ITPR2: variants seen among roughly 807,000 people sequenced by gnomAD.
ITPR2 encodes the protein inositol 1,4,5-trisphosphate-gated calcium channel ITPR2.
Under a neutral mutation model 317.1 loss-of-function variants are expected in ITPR2, and 207 were observed. The ratio of observed to expected loss-of-function variants is 0.65; its 90% CI spans 0.58 to 0.73. The LOEUF (loss-of-function observed/expected upper bound fraction) is 0.73, where lower values mean the gene tolerates loss of function less well. Ranked by LOEUF, ITPR2 falls within the 30% of genes least tolerant of loss-of-function variation. ITPR2 has a pLI of 0.00. For missense variants in ITPR2, 2,613 were observed against 3,284.0 expected (o/e 0.80, Z 4.99); for synonymous variants, 1,156 against 1,149.1 (o/e 1.01, Z -0.12).
At chr12:26,515,946 CA>C (rs34382778) in intron 37 of ITPR2, among the ~76,000 whole-genome samples, 11 of 141,080 alleles carry the variant, frequency 7.8e-5, no homozygotes, top group Admixed American at 7.2e-5. Context: ...TCCATCTCTA[CA>C]AAAAAAAAAG....
chr12:26,567,534 T>G (rs1945010036), intron 34 of ITPR2, among the ~76,000 whole-genome samples: 1 of 152,148 alleles, frequency 6.6e-6, no homozygotes, highest in African/African-American at 2.4e-5. Context: ...GTAGGTAAAC[T>G]TTGAACAGAG....
chr12:26,636,489 T>C (rs1946869849), intron 21 of ITPR2, among the ~76,000 whole-genome samples: 1 of 152,210 alleles, frequency 6.6e-6, no homozygotes, highest in Non-Finnish European at 1.5e-5. Flanking sequence ...TAACAAAGAT[T>C]GGATAACAAA....
intron 34 of ITPR2, among the ~76,000 whole-genome samples, chr12:26,573,545 G>C (rs944983233): frequency 6.6e-6 from 1 of 152,150 alleles, no homozygotes; most frequent in African/African-American, 2.4e-5. Flanking sequence ...AAATGAAATG[G>C]TCTAAGATGA....
chr12:26,512,953 C>G (rs1943393342), intron 37 of ITPR2, among the ~76,000 whole-genome samples: 1 of 151,106 alleles, frequency 6.6e-6, no homozygotes, highest in East Asian at 1.9e-4. Flanking sequence ...TCCCAAGTAG[C>G]TGGGATTACA....
Position 26,722,443 on chromosome 12 carries a change from C to A in ITPR2, c.479G>T (p.Trp160Leu). Residue 160 changes from tryptophan (W) to leucine (L), a missense_variant, in exon 5 of 57, where the codon TGG (tryptophan) becomes TTG (leucine). By Grantham distance (61) the Trp-to-Leu change is moderately conservative (BLOSUM62 -2). This residue lies in a region of ITPR2 where 515 missense variants were observed against 789.4 expected (regional missense o/e 0.65). Transcript: ENST00000381340. ...TTTCCAGAACGGATGAATATAAAAC[C>A]AAGACCCTTCATTTCCTGCAGCATC... ...SLDAAGNEGS[W>L]FYIHPFWKLR... is the part of the protein sequence containing the mutation. 1 of 1,613,100 alleles carries A rather than the reference C, an allele frequency of 6.2e-7. No homozygotes were observed. The highest frequency in any genetic ancestry group is 8.5e-7 in the Non-Finnish European group (1 of 1,179,436).
intron 26 of ITPR2, among the ~76,000 whole-genome samples, chr12:26,608,682 C>T (rs567070802): frequency 6.6e-6 from 1 of 152,134 alleles, no homozygotes; most frequent in Admixed American, 6.5e-5. Flanking sequence ...CCCCTCTGCC[C>T]GGCTGCTGTG....
intron 21 of ITPR2, among the ~76,000 whole-genome samples, chr12:26,640,389 CAT>C: frequency 6.6e-6 from 1 of 151,850 alleles, no homozygotes; most frequent in East Asian, 1.9e-4. Flanking sequence ...TAAAAAAAAA[CAT>C]ATACTTAGAA....
intron 24 of ITPR2, 74 bp from the exon 25 acceptor site, chr12:26,622,479 C>T (rs1362215295): frequency 1.5e-5 from 18 of 1,162,712 alleles, no homozygotes; most frequent in South Asian, 1.1e-4. Context: ...GAATTGTATA[C>T]GTATTCTCAG....
intron 37 of ITPR2, among the ~76,000 whole-genome samples, chr12:26,497,922 A>G (rs560161992): frequency 6.6e-6 from 1 of 152,126 alleles, no homozygotes; most frequent in African/African-American, 2.4e-5. Context: ...TTTAGTACAG[A>G]CTGGATTTCA....
At chr12:26,752,119 T>C (rs1949434511) in intron 2 of ITPR2, among the ~76,000 whole-genome samples, 1 of 152,212 alleles carries the variant, frequency 6.6e-6, no homozygotes, top group South Asian at 2.1e-4. Context: ...GCCCTCTTTG[T>C]TAGTAATTAA....
At chr12:26,812,564 G>A (rs1178275153) in intron 1 of ITPR2, among the ~76,000 whole-genome samples, 3 of 152,278 alleles carry the variant, frequency 2.0e-5, no homozygotes, top group East Asian at 1.9e-4. Context: ...GGGCGACAGA[G>A]CGAGACTCCG....
intron 2 of ITPR2, among the ~76,000 whole-genome samples, chr12:26,760,209 T>C (rs1346921024): frequency 6.6e-6 from 1 of 152,218 alleles, no homozygotes. Context: ...ATATTTTCAA[T>C]CTGCAGTTGG....
At chr12:26,345,489 A>T (rs1465555424) in intron 55 of ITPR2, among the ~76,000 whole-genome samples, 1 of 152,250 alleles carries the variant, frequency 6.6e-6, no homozygotes, top group Non-Finnish European at 1.5e-5. Flanking sequence ...TACTGTGATA[A>T]AAGTGGCTTC....
intron 54 of ITPR2, among the ~76,000 whole-genome samples, chr12:26,391,522 AT>A (rs1939836012): frequency 9.3e-6 from 1 of 107,274 alleles, no homozygotes; most frequent in South Asian, 3.1e-4. Context: ...TCTGTATTTT[AT>A]TCTGAAAGCT....
intron 41 of ITPR2, among the ~76,000 whole-genome samples, chr12:26,485,149 G>A (rs1942638439): frequency 6.6e-6 from 1 of 152,136 alleles, no homozygotes. Context: ...TTAATCACCT[G>A]TTAACAGTGG....
At chr12:26,549,158 T>C (rs1440649263) in intron 37 of ITPR2, among the ~76,000 whole-genome samples, 5 of 152,226 alleles carry the variant, frequency 3.3e-5, no homozygotes, top group Non-Finnish European at 7.4e-5. Context: ...TATCATTTTT[T>C]AAATATGAAA....
chr12:26,342,595 TTTTG>T (rs1394326615), intron 55 of ITPR2, among the ~76,000 whole-genome samples: 3 of 151,382 alleles, frequency 2.0e-5, no homozygotes, highest in Non-Finnish European at 4.4e-5. Flanking sequence ...GTTTGTTTGT[TTTTG>T]TTTTTTGTTT....
intron 2 of ITPR2, among the ~76,000 whole-genome samples, chr12:26,765,934 T>G (rs1484430062): frequency 6.6e-6 from 1 of 152,184 alleles, no homozygotes; most frequent in Non-Finnish European, 1.5e-5. Context: ...CTTAGCATAA[T>G]ATTTCCAAGG....
chr12:26,476,811 G>A (rs1942427196), intron 44 of ITPR2, 101 bp downstream of exon 44: 1 of 692,956 alleles, frequency 1.4e-6, no homozygotes, highest in African/African-American at 1.8e-5. Context: ...TGTCTTGGTA[G>A]AGCAATGAAA....
Sources: gnomAD v4.1 joint callset for allele counts (sites outside exome capture counted in the v4.1 genomes callset) on GRCh38, gnomAD v4.1.1 for gene constraint, gnomAD v4.1.1 regional missense constraint, MANE v1.5 for transcripts, NCBI Gene and HGNC (gene_info 2026-07-23, HGNC 2026-07-21) for gene names.